The following EPHB2 variants were observed in gnomAD, a reference collection of about 807,000 sequenced individuals.
The protein encoded by EPHB2 is ephrin type-B receptor 2.
EPHB2 carries 18 observed loss-of-function variants against 96.4 expected under a neutral mutation model. The ratio of observed to expected loss-of-function variants is 0.19; its 90% CI spans 0.13 to 0.28. EPHB2 has a LOEUF of 0.28. Ranked by LOEUF, EPHB2 falls within the 10% of genes least tolerant of loss-of-function variation. EPHB2 has a pLI of 1.00. For synonymous variants in EPHB2, 506 were observed against 534.1 expected (o/e 0.95, Z 0.72); for missense variants, 989 against 1,355.4 (o/e 0.73, Z 4.25).
chr1:22,853,988 G>C (rs1645663481), intron 3 of EPHB2, among the ~76,000 whole-genome samples: 1 of 152,222 alleles, frequency 6.6e-6, no homozygotes, highest in South Asian at 2.1e-4. Context: ...CACAAAGCCG[G>C]GTCCCAGCAG....
At chr1:22,912,726 C>T in intron 15 of EPHB2, 127 bp downstream of exon 15, 1 of 1,412,098 alleles carries the variant, frequency 7.1e-7, no homozygotes, top group East Asian at 2.4e-5. Context: ...GACCAAGGGG[C>T]AAGATGGCCA....
chr1:22,789,606 C>T (rs542927822), intron 3 of EPHB2, among the ~76,000 whole-genome samples: 3 of 152,370 alleles, frequency 2.0e-5, no homozygotes, highest in South Asian at 2.1e-4. Flanking sequence ...AACAAATATG[C>T]GTTGCATACC....
chr1:22,753,014 C>A (rs997831218), intron 1 of EPHB2, among the ~76,000 whole-genome samples: 3 of 151,940 alleles, frequency 2.0e-5, no homozygotes, highest in Non-Finnish European at 2.9e-5. Flanking sequence ...CTCCTGGGCT[C>A]AAGTGATCCT....
At chr1:22,905,964 C>T (rs750526304) in intron 9 of EPHB2, 23 bp from the exon 10 acceptor site, 1 of 1,614,154 alleles carries the variant, frequency 6.2e-7, no homozygotes, top group Admixed American at 1.7e-5. Flanking sequence ...GTCCATATGA[C>T]AGAGCCTGGT....
chr1:22,763,812 C>A (rs1357200091), intron 1 of EPHB2, among the ~76,000 whole-genome samples: 1 of 152,144 alleles, frequency 6.6e-6, no homozygotes, highest in Non-Finnish European at 1.5e-5. Flanking sequence ...GAAGGGCACA[C>A]TACCTCCAGA....
At chr1:22,803,745 A>G (rs2817878) in intron 3 of EPHB2, among the ~76,000 whole-genome samples, 12,840 of 144,014 alleles carry the variant, frequency 0.089, 1,690 homozygotes, top group African/African-American at 0.3. Flanking sequence ...GTGTGTGTGT[A>G]TATATATATA....
At chr1:22,861,026 C>T (rs141370343) in intron 3 of EPHB2, among the ~76,000 whole-genome samples, 63 of 152,336 alleles carry the variant, frequency 4.1e-4, no homozygotes, top group African/African-American at 1.4e-3. Context: ...AACAATGTAG[C>T]TCAGAGAGGT....
intron 11 of EPHB2, among the ~76,000 whole-genome samples, chr1:22,907,267 C>T (rs1465389543): frequency 6.6e-6 from 1 of 152,208 alleles, no homozygotes; most frequent in Non-Finnish European, 1.5e-5. Flanking sequence ...CCAGCCTTCT[C>T]ATTATGCACA....
rs931241476 is a variant in EPHB2 at position 22,896,472 on chromosome 1, G to A, written c.1759G>A (p.Gly587Ser). ...GGACAAGCTGCAACACTACACCAGT[G>A]GCCACAGTATGTACACACCCAAGCG... ...YTDKLQHYTS[G>S]HMTPGMKIYI... is the part of the protein sequence containing the mutation. The change falls in exon 9 of 16, where the codon GGC becomes AGC. Residue 587 changes from glycine (G) to serine (S), a missense_variant. Gly to Ser is a moderately conservative substitution (Grantham distance 56). Transcript: ENST00000374630. 2.5e-6 allele frequency: 4 copies of A among 1,614,012 alleles called. No homozygotes were observed. Among genetic ancestry groups the A allele is most frequent in the Non-Finnish European group, 3.4e-6 (4 of 1,180,036 alleles).
At chr1:22,873,639 G>A (rs1638743271) in intron 5 of EPHB2, among the ~76,000 whole-genome samples, 1 of 152,166 alleles carries the variant, frequency 6.6e-6, no homozygotes, top group Admixed American at 6.5e-5. Context: ...TGTGAAGCGT[G>A]TCAGAAGATA....
intron 9 of EPHB2, among the ~76,000 whole-genome samples, chr1:22,901,264 G>A (rs1173811929): frequency 6.6e-6 from 1 of 152,164 alleles, no homozygotes; most frequent in East Asian, 1.9e-4. Flanking sequence ...GTTTAATCTT[G>A]CAACCCCCTT....
intron 1 of EPHB2, among the ~76,000 whole-genome samples, chr1:22,713,739 C>T (rs1643220309): frequency 6.6e-6 from 1 of 152,220 alleles, no homozygotes; most frequent in South Asian, 2.1e-4. Context: ...CTTCCTCCTT[C>T]CTTGTCTCCT....
intron 3 of EPHB2, among the ~76,000 whole-genome samples, chr1:22,787,759 T>A: frequency 6.6e-6 from 1 of 152,138 alleles, no homozygotes; most frequent in East Asian, 1.9e-4. Context: ...ACAACAAACA[T>A]GCATTATCTC....
intron 3 of EPHB2, among the ~76,000 whole-genome samples, chr1:22,804,287 G>C (rs1175354945): frequency 1.3e-5 from 2 of 150,796 alleles, no homozygotes; most frequent in African/African-American, 4.9e-5. Flanking sequence ...GGGGATGGAT[G>C]CATGGATGGA....
chr1:22,803,431 AC>A (rs1006354930), intron 3 of EPHB2, among the ~76,000 whole-genome samples: 2 of 151,758 alleles, frequency 1.3e-5, no homozygotes, highest in African/African-American at 4.8e-5. Context: ...ACATGGTGAA[AC>A]CCCATCTCTA....
At chr1:22,713,165 G>A (rs1035491196) in intron 1 of EPHB2, among the ~76,000 whole-genome samples, 21 of 152,130 alleles carry the variant, frequency 1.4e-4, no homozygotes, top group Admixed American at 2.0e-4. Flanking sequence ...GAGGAGGGCT[G>A]CAGCAGGCAC....
At chr1:22,912,671 G>C in intron 15 of EPHB2, 72 bp downstream of exon 15, 1 of 1,597,088 alleles carries the variant, frequency 6.3e-7, no homozygotes, top group South Asian at 1.1e-5. Flanking sequence ...CAAGTGGGGT[G>C]ATCTGGAGGG....
At chr1:22,754,837 G>A (rs1195807752) in intron 1 of EPHB2, among the ~76,000 whole-genome samples, 11 of 79,892 alleles carry the variant, frequency 1.4e-4, no homozygotes, top group East Asian at 5.1e-4. Context: ...AGGGGCAGGG[G>A]AGGGGAGGTG....
In EPHB2 at chr1:22,896,482, T is replaced by C; in HGVS notation, c.1765+4T>C. The C allele has an allele frequency of 1.2e-6, 2 of 1,614,134 alleles. No homozygotes were observed. Among genetic ancestry groups the C allele is most frequent in the South Asian group, 2.2e-5 (2 of 91,086 alleles). ...CAACACTACACCAGTGGCCACAGTA[T>C]GTACACACCCAAGCGGGCTGGAACC... On this transcript the variant is annotated splice_donor_region_variant and intron_variant, in intron 9 of 15. Transcript: ENST00000374630.
Sources: gnomAD v4.1 joint callset for allele counts (sites outside exome capture counted in the v4.1 genomes callset) on GRCh38, gnomAD v4.1.1 for gene constraint, MANE v1.5 for transcripts, NCBI Gene and HGNC (gene_info 2026-07-23, HGNC 2026-07-21) for gene names.